LYRM7: variants seen among roughly 807,000 people sequenced by gnomAD.
LYRM7 encodes LYR motif containing 7.
A neutral mutation model predicts 15.8 loss-of-function variants in LYRM7; 9 were observed. The observed-to-expected ratio is 0.57, with a 90% CI of 0.34 to 0.99. LYRM7 has a LOEUF of 0.99. Among genes scored for constraint, LYRM7 ranks in the 50% least tolerant of loss-of-function variants. The pLI, the probability that LYRM7 is intolerant of heterozygous loss-of-function variation, is 0.02. For missense variants in LYRM7, 115 were observed against 119.1 expected (o/e 0.97, Z 0.16); for synonymous variants, 39 against 39.4 (o/e 0.99, Z 0.04).
intron 1 of LYRM7, among the ~76,000 whole-genome samples, chr5:131,179,829 G>C (rs1303859532): frequency 6.6e-6 from 1 of 151,984 alleles, no homozygotes; most frequent in Admixed American, 6.6e-5. Context: ...CCAGCTACTC[G>C]GGAGGCTGAG....
In LYRM7 at chr5:131,203,151, C is replaced by A. The variant is rs576838247; in HGVS notation, c.*3550C>A. On this transcript the variant is annotated 3_prime_UTR_variant, in exon 5 of 5. Transcript: ENST00000379380. ...ATAGGTCAACAAAGAAATGAAGATT[C>A]CAGTTCTGAAGGTGAGTTTTCTGAA... is the stretch of plus-strand genomic sequence containing the variant. 2 of 152,400 alleles carry A rather than the reference C, an allele frequency of 1.3e-5. No homozygotes were observed. The highest frequency in any genetic ancestry group is 1.9e-4 in the East Asian group (1 of 5,326). The allele number at this position is 152,400 out of a possible 1,614,324, so 9.4% of individuals were successfully genotyped here.
At position 131,201,835 on chromosome 5, in the gene LYRM7, T is replaced by C. The variant is rs147366825; in HGVS notation, c.*2234T>C. On this transcript the variant is annotated 3_prime_UTR_variant, in exon 5 of 5. Transcript: ENST00000379380. ...TCTATTCTTATATAGCATATGCTAA[T>C]TTATTTATTTATTTTTTGAGATTGA... 2 of 152,178 alleles carry C rather than the reference T, an allele frequency of 1.3e-5. No homozygotes were observed. Among genetic ancestry groups the C allele is most frequent in the East Asian group, 3.9e-4 (2 of 5,184 alleles). The allele number at this position is 152,178 out of a possible 1,614,324, so 9.4% of individuals were successfully genotyped here.
At chr5:131,182,996 G>A (rs1031827320) in intron 3 of LYRM7, among the ~76,000 whole-genome samples, 1 of 152,038 alleles carries the variant, frequency 6.6e-6, no homozygotes, top group African/African-American at 2.4e-5. Flanking sequence ...GATAGTTATG[G>A]TTCCAAGAAT....
chr5:131,196,102 CTTTTT>C (rs561484173), intron 4 of LYRM7, among the ~76,000 whole-genome samples: 2 of 131,010 alleles, frequency 1.5e-5, no homozygotes, highest in Admixed American at 7.8e-5. Context: ...TTCTCCTGTT[CTTTTT>C]TTTTTTTTTT....
chr5:131,179,455 CT>C (rs1276304946), intron 1 of LYRM7, among the ~76,000 whole-genome samples: 11,882 of 95,260 alleles, frequency 0.12, 203 homozygotes, highest in South Asian at 0.16. Flanking sequence ...TTTTTCTTTT[CT>C]TTTTTTTTTT....
At chr5:131,185,932 T>G (rs1263049263) in intron 3 of LYRM7, among the ~76,000 whole-genome samples, 1 of 152,238 alleles carries the variant, frequency 6.6e-6, no homozygotes, top group Non-Finnish European at 1.5e-5. Context: ...AGTTGTTTTC[T>G]TTGAAGTGAC....
intron 4 of LYRM7, among the ~76,000 whole-genome samples, chr5:131,195,009 A>G (rs960696770): frequency 1.2e-4 from 19 of 152,302 alleles, no homozygotes; most frequent in Non-Finnish European, 7.4e-5. Flanking sequence ...CACACCTGTT[A>G]TCCCGGCACT....
At chr5:131,188,993 A>G (rs1166813606) in intron 4 of LYRM7, among the ~76,000 whole-genome samples, 1 of 151,856 alleles carries the variant, frequency 6.6e-6, no homozygotes. Flanking sequence ...CTAAAAATAC[A>G]AAAACTAGCC....
intron 1 of LYRM7, among the ~76,000 whole-genome samples, chr5:131,177,183 G>C (rs1330061053): frequency 6.6e-6 from 1 of 152,078 alleles, no homozygotes; most frequent in African/African-American, 2.4e-5. Context: ...GGCAAAACCA[G>C]TCTACCAGTT....
At chr5:131,185,439 G>A (rs759899134) in intron 3 of LYRM7, among the ~76,000 whole-genome samples, 3 of 152,200 alleles carry the variant, frequency 2.0e-5, no homozygotes, top group East Asian at 1.9e-4. Context: ...TCAAAGCTTC[G>A]TTTAGGTAGA....
intron 3 of LYRM7, among the ~76,000 whole-genome samples, chr5:131,183,749 A>T (rs2149662271): frequency 6.6e-6 from 1 of 152,090 alleles, no homozygotes; most frequent in East Asian, 1.9e-4. Flanking sequence ...ATCTCAAAGA[A>T]CCTTTACACT....
chr5:131,188,608 A>G (rs939003072), intron 4 of LYRM7, among the ~76,000 whole-genome samples: 2 of 151,894 alleles, frequency 1.3e-5, no homozygotes, highest in East Asian at 1.9e-4. Context: ...CTGCCTTTTT[A>G]TTGTTGATCT....
intron 4 of LYRM7, among the ~76,000 whole-genome samples, chr5:131,191,597 A>G (rs1035857309): frequency 6.6e-6 from 1 of 152,178 alleles, no homozygotes; most frequent in African/African-American, 2.4e-5. Context: ...TCACTTCCAG[A>G]CATCTCTTAA....
At chr5:131,179,254 TA>T (rs1403728722) in intron 1 of LYRM7, among the ~76,000 whole-genome samples, 1 of 152,010 alleles carries the variant, frequency 6.6e-6, no homozygotes, top group Non-Finnish European at 1.5e-5. Flanking sequence ...TAAATAAGGC[TA>T]AAAATGTTTT....
chr5:131,193,673 T>C (rs1222133014), intron 4 of LYRM7, among the ~76,000 whole-genome samples: 1 of 152,210 alleles, frequency 6.6e-6, no homozygotes, highest in Non-Finnish European at 1.5e-5. Context: ...TACCTAAATT[T>C]GTACTTTGGT....
intron 3 of LYRM7, 137 bp downstream of exon 3, chr5:131,182,436 C>G: frequency 1.2e-6 from 1 of 849,940 alleles, no homozygotes; most frequent in Non-Finnish European, 1.6e-6. Flanking sequence ...ATAACCTTCA[C>G]TTATTTGGTA....
rs1053996913 is a variant in LYRM7 at position 131,203,162 on chromosome 5, G to A, written c.*3561G>A. 1 of 152,276 alleles carries A rather than the reference G, an allele frequency of 6.6e-6. No homozygotes were observed. The highest frequency in any genetic ancestry group is 2.1e-4 in the South Asian group (1 of 4,828). 9.4% of individuals were successfully genotyped at this position (152,276 alleles called of 1,614,324 possible). A position where few individuals can be genotyped will look rare whatever the true frequency, so the allele number is the denominator to read the frequency against. On this transcript the variant is annotated 3_prime_UTR_variant, in exon 5 of 5. Coordinates refer to ENST00000379380, the MANE Select transcript of LYRM7 (RefSeq NM_181705.4). ...AAGAAATGAAGATTCCAGTTCTGAA[G>A]GTGAGTTTTCTGAAGCCAAAGTGGA...
At chr5:131,187,594 C>T (rs915280764) in intron 4 of LYRM7, among the ~76,000 whole-genome samples, 7 of 151,934 alleles carry the variant, frequency 4.6e-5, no homozygotes, top group African/African-American at 1.7e-4. Flanking sequence ...AAGCATTTCT[C>T]ATGCCTCAGC....
chr5:131,204,139 T>C lies in LYRM7; in HGVS notation c.*4538T>C, dbSNP rs1018674460. The C allele has an allele frequency of 1.3e-5, 2 of 151,570 alleles. No individual in the cohort carries two copies. The highest frequency in any genetic ancestry group is 4.8e-5 in the African/African-American group (2 of 41,288). The allele number at this position is 151,570 out of a possible 1,614,324, so 9.4% of individuals were successfully genotyped here. On this transcript the variant is annotated 3_prime_UTR_variant, in exon 5 of 5. Coordinates refer to ENST00000379380, the MANE Select transcript of LYRM7 (RefSeq NM_181705.4). ...TTAGAGACAAGATCTCTCCGTGTTG[T>C]CTAGGCTGGACTCAAACTTCTGGAC...
Sources: allele counts gnomAD v4.1 joint callset (sites outside exome capture counted in the v4.1 genomes callset), GRCh38; gene constraint gnomAD v4.1.1; transcripts MANE v1.5; gene names NCBI Gene and HGNC (gene_info 2026-07-23, HGNC 2026-07-21).